The following RAD52 variants were observed in gnomAD, a reference collection of about 807,000 sequenced individuals.
The protein encoded by RAD52 is RAD52 DNA repair protein.
Under a neutral mutation model 55.5 loss-of-function variants are expected in RAD52, and 47 were observed. The ratio of observed to expected loss-of-function variants is 0.85; its 90% CI spans 0.67 to 1.08. The LOEUF is 1.08. Ranked by LOEUF, RAD52 falls within the 50% of genes least tolerant of loss-of-function variation. The pLI, the probability that RAD52 is intolerant of heterozygous loss-of-function variation, is 0.00. For synonymous variants in RAD52, 184 were observed against 198.9 expected (o/e 0.92, Z 0.63); for missense variants, 468 against 522.8 (o/e 0.90, Z 1.02).
At chr12:970,844 A>G (rs531540282) in intron 1 of RAD52, among the ~76,000 whole-genome samples, 2 of 152,170 alleles carry the variant, frequency 1.3e-5, no homozygotes, top group African/African-American at 2.4e-5. Flanking sequence ...CTTCTCATCA[A>G]TAACCAAAGC....
chr12:924,920 G>A (rs1956941550), intron 7 of RAD52, among the ~76,000 whole-genome samples: 1 of 150,918 alleles, frequency 6.6e-6, no homozygotes, highest in Admixed American at 6.6e-5. Flanking sequence ...AAATTCTCTA[G>A]ACCTCACATT....
intron 1 of RAD52, among the ~76,000 whole-genome samples, chr12:970,742 C>T (rs1202629517): frequency 6.6e-6 from 1 of 152,114 alleles, no homozygotes; most frequent in South Asian, 2.1e-4. Flanking sequence ...GTAGGCGGTC[C>T]ATGAGACAAG....
intron 5 of RAD52, among the ~76,000 whole-genome samples, chr12:927,868 A>C (rs1003201528): frequency 6.8e-6 from 1 of 147,544 alleles, no homozygotes; most frequent in African/African-American, 2.5e-5. Flanking sequence ...TACGTCTTGG[A>C]AAAAAAAAAA....
chr12:958,152 G>A (rs538834040), intron 1 of RAD52, among the ~76,000 whole-genome samples: 1 of 152,350 alleles, frequency 6.6e-6, no homozygotes, highest in Admixed American at 6.5e-5. Flanking sequence ...GATTTCTCAG[G>A]GTGCATGACT....
At position 927,158 on chromosome 12, in the gene RAD52, T is replaced by C. The variant is rs770327660; in HGVS notation, c.454A>G (p.Lys152Glu). The C allele has an allele frequency of 3.2e-5, 51 of 1,614,000 alleles. No individual in the cohort carries two copies. Among genetic ancestry groups the C allele is most frequent in the Non-Finnish European group, 3.9e-5 (46 of 1,179,950 alleles). ...CCCCGCGCTCACCTGAGGGCTCGCTTCAGCCCGTCTGTCACCGCCTCCTTC... is the reference window on the plus strand; with the variant it reads ...CCCCGCGCTCACCTGAGGGCTCGCTCCAGCCCGTCTGTCACCGCCTCCTTC... ...ARKEAVTDGLKRALRSFGNAL... is the reference protein window; with the variant it reads ...ARKEAVTDGLERALRSFGNAL... The change falls in exon 6 of 12, where the codon AAG (lysine) becomes GAG (glutamate). Residue 152 changes from lysine to glutamate, a missense_variant. Coordinates refer to ENST00000358495, the MANE Select transcript of RAD52 (RefSeq NM_134424.4).
At chr12:939,363 C>A (rs1565682448) in intron 1 of RAD52, among the ~76,000 whole-genome samples, 1 of 151,874 alleles carries the variant, frequency 6.6e-6, no homozygotes, top group Non-Finnish European at 1.5e-5. Context: ...GTTGTCCAGG[C>A]TGGTCTCAAA....
At chr12:956,971 T>C (rs1431017155) in intron 1 of RAD52, among the ~76,000 whole-genome samples, 1 of 152,238 alleles carries the variant, frequency 6.6e-6, no homozygotes, top group Admixed American at 6.5e-5. Context: ...TGACATTTAA[T>C]AGATGTTTCT....
chr12:981,127 C>T (rs1959008897), intron 1 of RAD52, among the ~76,000 whole-genome samples: 1 of 150,208 alleles, frequency 6.7e-6, no homozygotes, highest in Non-Finnish European at 1.5e-5. Context: ...GTCAGCAGTT[C>T]AAGACCAGCC....
chr12:958,491 CA>C (rs759584940), intron 1 of RAD52, among the ~76,000 whole-genome samples: 5 of 152,242 alleles, frequency 3.3e-5, no homozygotes, highest in Non-Finnish European at 7.3e-5. Flanking sequence ...GCTGGGATTA[CA>C]GGCATGAGCC....
At chr12:981,529 C>A (rs994454586) in intron 1 of RAD52, among the ~76,000 whole-genome samples, 8 of 152,070 alleles carry the variant, frequency 5.3e-5, no homozygotes, top group African/African-American at 1.9e-4. Flanking sequence ...CAGACATTCC[C>A]ATTCCAAAGG....
chr12:971,567 A>C (rs986772680), intron 1 of RAD52, among the ~76,000 whole-genome samples: 1 of 152,170 alleles, frequency 6.6e-6, no homozygotes, highest in Non-Finnish European at 1.5e-5. Flanking sequence ...TTTTTTAAAT[A>C]CTTTAAAAAA....
At chr12:929,764 C>G in intron 5 of RAD52, 55 bp downstream of exon 5, 1 of 1,540,084 alleles carries the variant, frequency 6.5e-7, no homozygotes, top group South Asian at 1.1e-5. Flanking sequence ...ACCTGCTCAC[C>G]TTCTCCTACC....
intron 1 of RAD52, among the ~76,000 whole-genome samples, chr12:962,107 T>C (rs1254347200): frequency 1.3e-5 from 2 of 151,958 alleles, no homozygotes; most frequent in Admixed American, 1.3e-4. Context: ...CCTAGCAAAC[T>C]ACTACAGTAT....
chr12:981,362 A>C (rs570099175), intron 1 of RAD52, among the ~76,000 whole-genome samples: 6 of 152,082 alleles, frequency 3.9e-5, no homozygotes, highest in Non-Finnish European at 7.4e-5. Flanking sequence ...CCACCACCAC[A>C]ACAATAATAA....
intron 6 of RAD52, among the ~76,000 whole-genome samples, chr12:926,105 A>G (rs1041101211): frequency 6.6e-6 from 1 of 152,142 alleles, no homozygotes; most frequent in Non-Finnish European, 1.5e-5. Flanking sequence ...GGTGGGAGGT[A>G]CTGGATCCTG....
At chr12:969,058 C>G (rs574009395) in intron 1 of RAD52, among the ~76,000 whole-genome samples, 1 of 152,102 alleles carries the variant, frequency 6.6e-6, no homozygotes, top group African/African-American at 2.4e-5. Flanking sequence ...GCATTATTCC[C>G]TAAACAATAC....
rs766193263 is a variant in RAD52, at chr12:925,541, A to G, written c.468-16T>C. On this transcript the variant is annotated splice_polypyrimidine_tract_variant and intron_variant, in intron 6 of 11. Coordinates refer to ENST00000358495, the MANE Select transcript of RAD52 (RefSeq NM_134424.4). The stretch of plus-strand genomic sequence containing the variant: ...CCCAAAACTCCTAAGGGCAAGAGAA[A>G]AAAAGGTGAAACAGGGTTAAGAATT... The G allele has an allele frequency of 6.3e-7, 1 of 1,587,394 alleles. No homozygotes were observed. The highest frequency in any genetic ancestry group is 1.3e-5 in the African/African-American group (1 of 74,338).
At chr12:940,163 G>A (rs924043685) in intron 1 of RAD52, among the ~76,000 whole-genome samples, 3 of 152,084 alleles carry the variant, frequency 2.0e-5, no homozygotes, top group African/African-American at 7.2e-5. Context: ...CGGTAAGTAT[G>A]AAAACACCAA....
intron 1 of RAD52, among the ~76,000 whole-genome samples, chr12:988,166 G>A (rs1480446419): frequency 6.6e-6 from 1 of 151,922 alleles, no homozygotes; most frequent in Non-Finnish European, 1.5e-5. Context: ...AAAGAGATGG[G>A]GTCTCATTAT....
Sources: gnomAD v4.1 joint callset for allele counts (sites outside exome capture counted in the v4.1 genomes callset) on GRCh38, gnomAD v4.1.1 for gene constraint, MANE v1.5 for transcripts, NCBI Gene and HGNC (gene_info 2026-07-23, HGNC 2026-07-21) for gene names.